The following A4GALT variants were observed in gnomAD, a reference collection of about 807,000 sequenced individuals.
The protein encoded by A4GALT is lactosylceramide 4-alpha-galactosyltransferase.
For missense variants in A4GALT, 512 were observed against 486.0 expected (o/e 1.05, Z -0.50); for synonymous variants, 257 against 220.7 (o/e 1.16, Z -1.46).
chr22:42,703,907 G>A (rs935862197), intron 1 of A4GALT, among the ~76,000 whole-genome samples: 3 of 152,128 alleles, frequency 2.0e-5, no homozygotes, highest in Admixed American at 6.5e-5. Flanking sequence ...GACAGCTTCC[G>A]CACCTGCTAA....
At chr22:42,702,921 C>T (rs1411230281) in intron 1 of A4GALT, among the ~76,000 whole-genome samples, 2 of 118,626 alleles carry the variant, frequency 1.7e-5, no homozygotes. Context: ...AATCCCGGTC[C>T]CTGCTCCCCT....
chr22:42,697,582 G>A (rs1042224464), intron 1 of A4GALT, among the ~76,000 whole-genome samples: 10 of 152,048 alleles, frequency 6.6e-5, no homozygotes, highest in Admixed American at 2.6e-4. Context: ...ATATGTCGTC[G>A]GACCACAGTT....
chr22:42,715,823 G>A (rs1211184712), intron 1 of A4GALT, among the ~76,000 whole-genome samples: 2 of 146,234 alleles, frequency 1.4e-5, no homozygotes, highest in Non-Finnish European at 3.0e-5. Context: ...TGGCCGGAAA[G>A]ATACAATCTT....
At chr22:42,703,106 C>CTGTGTG (rs3985930) in intron 1 of A4GALT, among the ~76,000 whole-genome samples, 36,212 of 133,886 alleles carry the variant, frequency 0.27, 6,124 homozygotes, top group East Asian at 0.68. Context: ...TGCTGCCCCA[C>CTGTGTG]TGTGTGTGTG....
intron 1 of A4GALT, among the ~76,000 whole-genome samples, chr22:42,720,583 C>T (rs1407514138): frequency 6.6e-6 from 1 of 152,082 alleles, no homozygotes; most frequent in East Asian, 1.9e-4. Context: ...CGCTCCACTT[C>T]GGGGCGCAGT....
At chr22:42,717,041 C>T (rs372304738) in intron 1 of A4GALT, among the ~76,000 whole-genome samples, 3 of 151,998 alleles carry the variant, frequency 2.0e-5, no homozygotes, top group African/African-American at 7.2e-5. Context: ...AGTGCGGGCA[C>T]AGGGGAAGGT....
At chr22:42,713,110 G>A (rs1921840087) in intron 1 of A4GALT, among the ~76,000 whole-genome samples, 3 of 152,112 alleles carry the variant, frequency 2.0e-5, no homozygotes, top group Admixed American at 2.0e-4. Flanking sequence ...ATAAAGAGCT[G>A]AGAAAAGACA....
chr22:42,694,895 A>G (rs1250402342), intron 2 of A4GALT: 2 of 152,212 alleles, frequency 1.3e-5, no homozygotes, highest in Non-Finnish European at 2.9e-5. Context: ...CATCTCACAC[A>G]TAGGAACATG....
At chr22:42,694,709 A>AC (rs889784658) in intron 2 of A4GALT, 3 of 151,998 alleles carry the variant, frequency 2.0e-5, no homozygotes, top group Admixed American at 1.3e-4. Flanking sequence ...GAGGCATGAG[A>AC]CCCCAACTCT....
At chr22:42,698,474 C>G (rs1931087154) in intron 1 of A4GALT, among the ~76,000 whole-genome samples, 1 of 152,236 alleles carries the variant, frequency 6.6e-6, no homozygotes, top group Non-Finnish European at 1.5e-5. Context: ...GGCGCTACCC[C>G]TCCAGCCCTG....
chr22:42,698,908 C>A (rs1320097208), intron 1 of A4GALT, among the ~76,000 whole-genome samples: 2 of 151,768 alleles, frequency 1.3e-5, no homozygotes, highest in South Asian at 2.1e-4. Flanking sequence ...TGCTACACTC[C>A]CACCAGCACC....
chr22:42,693,741 AGGGTGGGGTGGGG>A lies in A4GALT; in HGVS notation c.198_210del (p.Pro69AlafsTer41). On this transcript the variant is annotated frameshift_variant, in exon 3 of 3. Coordinates refer to ENST00000642412, the MANE Select transcript of A4GALT (RefSeq NM_017436.7). LOFTEE classifies it low-confidence loss of function (END_TRUNC). ...ATGTTGCCTGGAGTGGGGCCGTGGG[AGGGTGGGGTGGGG>A]GGTGTCAAGGTGGGGCAGGGGATCT... is the stretch of plus-strand genomic sequence containing the variant. The A allele has an allele frequency of 4.4e-6, 1 of 229,702 alleles. No individual in the cohort carries two copies. The highest frequency in any genetic ancestry group is 5.5e-5 in the Admixed American group (1 of 18,196). The allele number at this position is 229,702 out of a possible 1,614,324, so 14.2% of individuals were successfully genotyped here.
At position 42,693,226 on chromosome 22, in the gene A4GALT, G is replaced by C. The variant is rs768659084; in HGVS notation, c.726C>G (p.Asn242Lys). 5.0e-6 allele frequency: 8 copies of C among 1,608,658 alleles called. No homozygotes were observed. The South Asian group carries it at 8.8e-5, about 18-fold the overall frequency. ...LCMRDFVDHYNGWIWGHQGPQ... is the reference protein window; with the variant it reads ...LCMRDFVDHYKGWIWGHQGPQ... Reference sequence around the variant, plus strand: ...GGCCCTGGTGACCCCAGATCCAGCCGTTGTAGTGGTCCACGAAGTCCCGCA... The same window carrying C: ...GGCCCTGGTGACCCCAGATCCAGCCCTTGTAGTGGTCCACGAAGTCCCGCA... Residue 242 changes from asparagine to lysine, a missense_variant, in exon 3 of 3, where the codon AAC (asparagine) becomes AAG (lysine). Coordinates refer to ENST00000642412, the MANE Select transcript of A4GALT (RefSeq NM_017436.7).
At position 42,705,700 on chromosome 22, in the gene A4GALT, A is replaced by G. The variant is rs1433160406; in HGVS notation, c.-187-10069T>C. On this transcript the variant is annotated intron_variant, in intron 1 of 2. Coordinates refer to ENST00000642412, the MANE Select transcript of A4GALT (RefSeq NM_017436.7). ...TTACAGCATGAATTTAAAAATAAAA[A>G]CACTTTAAAAAGTAATTCCAGGCCA... Among the ~76,000 whole-genome samples the G allele has an allele frequency of 1.6e-5, 2 of 125,530 alleles. 1 individual carries two copies. Among genetic ancestry groups the G allele is most frequent in the Non-Finnish European group, 3.7e-5 (2 of 53,824 alleles). The allele number at this position is 125,530 out of a possible 152,430, so 82.4% of individuals were successfully genotyped here. A position where few individuals can be genotyped will look rare whatever the true frequency, so the allele number is the denominator to read the frequency against.
In A4GALT at chr22:42,693,996, G is replaced by C; in HGVS notation, c.-45C>G. 1 of 1,519,646 alleles carries C rather than the reference G, an allele frequency of 6.6e-7. No individual in the cohort carries two copies. The highest frequency in any genetic ancestry group is 8.9e-7 in the Non-Finnish European group (1 of 1,124,610). 94.1% of individuals were successfully genotyped at this position (1,519,646 alleles called of 1,614,324 possible). The stretch of plus-strand genomic sequence containing the variant: ...AGGAGCTTCCAGCAGGAACCGGCTG[G>C]TCTGCAAGAGATGAGCACCCGCCAT... On this transcript the variant is annotated splice_region_variant and 5_prime_UTR_variant, in exon 3 of 3. Transcript: ENST00000642412.
Position 42,693,201 on chromosome 22 carries a change from G to A in A4GALT, c.751C>T (p.Pro251Ser). The A allele has an allele frequency of 1.2e-6, 2 of 1,603,320 alleles. No homozygotes were observed. The highest frequency in any genetic ancestry group is 8.5e-7 in the Non-Finnish European group (1 of 1,175,842). The change falls in exon 3 of 3, where the codon CCG becomes TCG. Residue 251 changes from proline to serine, a missense_variant. Pro to Ser is a moderately conservative substitution (Grantham distance 74). Coordinates refer to ENST00000642412, the MANE Select transcript of A4GALT (RefSeq NM_017436.7). ...YNGWIWGHQG[P>S]QLLTRVFKKW... ...TTGAAGACCCGCGTGAGCAGCTGCGGGCCCTGGTGACCCCAGATCCAGCCG... is the reference window on the plus strand; with the variant it reads ...TTGAAGACCCGCGTGAGCAGCTGCGAGCCCTGGTGACCCCAGATCCAGCCG...
rs143504416 is a variant in A4GALT, at chr22:42,693,859, C to T, written c.93G>A (p.Thr31=). 266 of 1,610,690 alleles carry T rather than the reference C, an allele frequency of 1.7e-4. No individual in the cohort carries two copies. In the African/African-American group the frequency reaches 1.7e-3, roughly 10 times the overall value. ...AGTAGATCATGATGGAGACGAAAAA[C>T]GTGAACTTGAAGCCGATGATGAACA... ...CTLFIIGFKF[T]FFVSIMIYWH... The change falls in exon 3 of 3, where the codon ACG becomes ACA. Residue 31 remains threonine, a synonymous_variant. Coordinates refer to ENST00000642412, the MANE Select transcript of A4GALT (RefSeq NM_017436.7).
At chr22:42,706,952 A>T (rs1334299765) in intron 1 of A4GALT, among the ~76,000 whole-genome samples, 2 of 152,234 alleles carry the variant, frequency 1.3e-5, no homozygotes, top group African/African-American at 4.8e-5. Context: ...GGTATAATTC[A>T]TAATGCATCA....
chr22:42,693,200 G>T lies in A4GALT; in HGVS notation c.752C>A (p.Pro251Gln), dbSNP rs28940571. The change falls in exon 3 of 3, where the codon CCG becomes CAG. Residue 251 changes from proline (P) to glutamine (Q), a missense_variant. By Grantham distance (76) the Pro-to-Gln change is moderately conservative. Transcript: ENST00000642412. ...YNGWIWGHQG[P>Q]QLLTRVFKKW... ...CTTGAAGACCCGCGTGAGCAGCTGC[G>T]GGCCCTGGTGACCCCAGATCCAGCC... 1.2e-6 allele frequency: 2 copies of T among 1,602,422 alleles called. No homozygotes were observed. The highest frequency in any genetic ancestry group is 2.2e-5 in the South Asian group (2 of 89,894).
Sources: gnomAD v4.1 joint callset for allele counts (sites outside exome capture counted in the v4.1 genomes callset) on GRCh38, gnomAD v4.1.1 for gene constraint, MANE v1.5 for transcripts, NCBI Gene and HGNC (gene_info 2026-07-23, HGNC 2026-07-21) for gene names.